Variants in GPC6 observed in about 807,000 individuals in gnomAD.
GPC6 encodes the protein glypican-6.
A neutral mutation model predicts 55.2 loss-of-function variants in GPC6; 14 were observed. The observed-to-expected ratio is 0.25, with a 90% CI of 0.17 to 0.40. GPC6 has a LOEUF of 0.40. Ranked by LOEUF, GPC6 falls within the 10% of genes least tolerant of loss-of-function variation. GPC6 has a pLI of 1.00. For synonymous variants in GPC6, 278 were observed against 259.6 expected (o/e 1.07, Z -0.68); for missense variants, 641 against 708.5 (o/e 0.90, Z 1.08).
rs910246215 is a variant in GPC6 at position 93,900,814 on chromosome 13, A to T, written c.711+70269A>T. ...ATGATGTGTGAAAAAATAAATAAAA[A>T]ATTTTAAAAATTCACTGTAAGCTGG... is the stretch of plus-strand genomic sequence containing the variant. On this transcript the variant is annotated intron_variant, in intron 3 of 8. Coordinates refer to ENST00000377047, the MANE Select transcript of GPC6 (RefSeq NM_005708.5). Among the ~76,000 whole-genome samples the T allele has an allele frequency of 2.8e-4, 42 of 152,262 alleles. 1 individual carries two copies. Among genetic ancestry groups the T allele is most frequent in the Non-Finnish European group, 2.6e-4 (18 of 68,010 alleles).
intron 2 of GPC6, among the ~76,000 whole-genome samples, chr13:93,718,432 C>T (rs766357884): frequency 9.2e-5 from 14 of 151,752 alleles, no homozygotes; most frequent in South Asian, 4.2e-4. Context: ...TCATATCCTT[C>T]GCCTACTTTT....
At chr13:93,714,337 C>A (rs1324165773) in intron 2 of GPC6, among the ~76,000 whole-genome samples, 1 of 151,676 alleles carries the variant, frequency 6.6e-6, no homozygotes, top group African/African-American at 2.4e-5. Context: ...AAAAAATGCC[C>A]ATCATCACTA....
chr13:94,221,543 T>A (rs1386207311), intron 4 of GPC6, among the ~76,000 whole-genome samples: 2 of 152,126 alleles, frequency 1.3e-5, no homozygotes, highest in Non-Finnish European at 2.9e-5. Context: ...CGCACTCACA[T>A]TATGCTCACA....
intron 3 of GPC6, among the ~76,000 whole-genome samples, chr13:93,899,758 T>C (rs918112976): frequency 6.6e-6 from 1 of 152,170 alleles, no homozygotes; most frequent in Non-Finnish European, 1.5e-5. Context: ...AGTTTTCATC[T>C]GCCATCAATT....
intron 3 of GPC6, among the ~76,000 whole-genome samples, chr13:93,999,893 G>A (rs1202398660): frequency 6.6e-6 from 1 of 152,144 alleles, no homozygotes; most frequent in Non-Finnish European, 1.5e-5. Context: ...GGCATATATT[G>A]AAAGCGAGGC....
intron 3 of GPC6, among the ~76,000 whole-genome samples, chr13:94,019,840 T>G (rs1882629709): frequency 6.6e-6 from 1 of 152,192 alleles, no homozygotes; most frequent in African/African-American, 2.4e-5. Flanking sequence ...TAATCATCTT[T>G]ATCTCTGTAA....
chr13:94,316,919 A>G (rs1448436785), intron 6 of GPC6, among the ~76,000 whole-genome samples: 1 of 152,234 alleles, frequency 6.6e-6, no homozygotes, highest in East Asian at 1.9e-4. Context: ...GCAGCAAATC[A>G]AATTGTTCTC....
chr13:93,789,509 C>CTCTCTCTATATA (rs1363454667), intron 2 of GPC6, among the ~76,000 whole-genome samples: 31 of 93,458 alleles, frequency 3.3e-4, no homozygotes, highest in African/African-American at 1.3e-3. Context: ...CTCTCTCTCT[C>CTCTCTCTATATA]TATATATATA....
intron 3 of GPC6, among the ~76,000 whole-genome samples, chr13:93,927,714 A>G (rs1209552435): frequency 1.3e-5 from 2 of 151,712 alleles, no homozygotes; most frequent in Non-Finnish European, 2.9e-5. Flanking sequence ...GAATTGGTGC[A>G]TGATAACAAC....
intron 6 of GPC6, among the ~76,000 whole-genome samples, chr13:94,308,702 A>G (rs1007329729): frequency 1.3e-5 from 2 of 152,152 alleles, no homozygotes; most frequent in Non-Finnish European, 2.9e-5. Flanking sequence ...TCCCTTCCCA[A>G]ATGGTAAGAA....
At chr13:93,464,914 C>A (rs150267746) in intron 1 of GPC6, among the ~76,000 whole-genome samples, 2 of 152,158 alleles carry the variant, frequency 1.3e-5, no homozygotes, top group Non-Finnish European at 1.5e-5. Context: ...CTATGGGCTG[C>A]AGAATGGATA....
chr13:93,393,777 C>A (rs2762117), intron 1 of GPC6, among the ~76,000 whole-genome samples: 73,001 of 151,660 alleles, frequency 0.48, 20,806 homozygotes, highest in Non-Finnish European at 0.66. Flanking sequence ...GCATTCAAGA[C>A]CCCATGATAT....
intron 4 of GPC6, among the ~76,000 whole-genome samples, chr13:94,131,021 G>T (rs1212646080): frequency 6.6e-6 from 1 of 152,098 alleles, no homozygotes; most frequent in African/African-American, 2.4e-5. Context: ...ATTGCAAATT[G>T]TAAGCCAATC....
At chr13:93,587,849 C>T (rs954885602) in intron 2 of GPC6, among the ~76,000 whole-genome samples, 2 of 152,164 alleles carry the variant, frequency 1.3e-5, no homozygotes, top group African/African-American at 4.8e-5. Context: ...TTAGGGAACA[C>T]ATAATGCGTT....
chr13:93,440,450 A>G (rs1877745258), intron 1 of GPC6, among the ~76,000 whole-genome samples: 1 of 152,160 alleles, frequency 6.6e-6, no homozygotes, highest in Non-Finnish European at 1.5e-5. Context: ...TCTTGCAGGA[A>G]AAGCTGAACC....
intron 2 of GPC6, among the ~76,000 whole-genome samples, chr13:93,620,566 A>G (rs1335708954): frequency 2.6e-5 from 4 of 152,214 alleles, no homozygotes; most frequent in African/African-American, 9.6e-5. Flanking sequence ...GTTCTTATTT[A>G]TACCGAAGAT....
At chr13:94,363,048 AC>A (rs1294252178) in intron 6 of GPC6, among the ~76,000 whole-genome samples, 2 of 149,384 alleles carry the variant, frequency 1.3e-5, no homozygotes, top group Non-Finnish European at 3.0e-5. Flanking sequence ...CCTTGCCCCC[AC>A]CCCCCGACAG....
intron 5 of GPC6, among the ~76,000 whole-genome samples, chr13:94,295,258 G>A (rs192869141): frequency 1.4e-4 from 22 of 152,238 alleles, no homozygotes; most frequent in Middle Eastern, 3.4e-3. Flanking sequence ...TTGTTTGAGA[G>A]CACAATGATA....
At chr13:93,370,810 A>G (rs1474280625) in intron 1 of GPC6, among the ~76,000 whole-genome samples, 2 of 152,198 alleles carry the variant, frequency 1.3e-5, no homozygotes, top group African/African-American at 4.8e-5. Flanking sequence ...TTGTTTATCA[A>G]ACATTTCACA....
Sources: allele counts gnomAD v4.1 joint callset (sites outside exome capture counted in the v4.1 genomes callset), GRCh38; gene constraint gnomAD v4.1.1; transcripts MANE v1.5; gene names NCBI Gene and HGNC (gene_info 2026-07-23, HGNC 2026-07-21).